Variants in GLIS3 observed in about 807,000 individuals in gnomAD.
GLIS3 encodes zinc finger protein GLIS3.
In GLIS3, 53 loss-of-function variants were observed where a neutral mutation model predicts 78.6. The ratio of observed to expected loss-of-function variants is 0.67; its 90% CI spans 0.54 to 0.85. The LOEUF (loss-of-function observed/expected upper bound fraction) is 0.85, where lower values mean the gene tolerates loss of function less well. Ranked by LOEUF, GLIS3 falls within the 40% of genes least tolerant of loss-of-function variation. The probability of loss-of-function intolerance (pLI) is 0.00; values close to 1 mark genes in which losing one functional copy is unlikely to be tolerated. For synonymous variants in GLIS3, 684 were observed against 509.9 expected (o/e 1.34, Z -4.60); for missense variants, 1,703 against 1,231.1 (o/e 1.38, Z -5.74).
chr9:4,353,036 C>T (rs1817994992), upstream of GLIS3, among the ~76,000 whole-genome samples: 1 of 152,124 alleles, frequency 6.6e-6, no homozygotes, highest in Non-Finnish European at 1.5e-5. Context: ...TCAGTCAGCT[C>T]TCTGGAAAGT....
the GLIS3 span, among the ~76,000 whole-genome samples, chr9:4,472,684 C>T: frequency 3.9e-5 from 6 of 151,940 alleles, no homozygotes; most frequent in African/African-American, 1.5e-4. Flanking sequence ...TGCAGCACAC[C>T]AACATGGCAC....
intron 4 of GLIS3, among the ~76,000 whole-genome samples, chr9:4,066,503 C>T (rs1302992601): frequency 6.6e-6 from 1 of 152,212 alleles, no homozygotes; most frequent in Non-Finnish European, 1.5e-5. Flanking sequence ...TGCAACCCCA[C>T]TTCTCTCCCT....
intron 4 of GLIS3, among the ~76,000 whole-genome samples, chr9:4,013,145 G>A (rs533735727): frequency 2.0e-5 from 3 of 152,214 alleles, no homozygotes; most frequent in South Asian, 2.1e-4. Context: ...GGTGATGCCT[G>A]TAAGGAAATT....
intron 2 of GLIS3, among the ~76,000 whole-genome samples, chr9:4,197,651 A>G (rs1013747450): frequency 9.2e-5 from 14 of 152,056 alleles, no homozygotes; most frequent in Non-Finnish European, 2.9e-5. Flanking sequence ...CTTGCCACCC[A>G]CTTCACCGGG....
In GLIS3 at chr9:4,286,510, T is replaced by A. The variant is rs774039543; in HGVS notation, c.-85A>T. ...GCAAAGTCCAATAAGTTATCCATGG[T>A]GTGGGTTATAAGCCTGTTTAAAAAA... On this transcript the variant is annotated 5_prime_UTR_variant, in exon 2 of 11. Coordinates refer to ENST00000381971, the MANE Select transcript of GLIS3 (RefSeq NM_001042413.2). The A allele has an allele frequency of 6.6e-7, 1 of 1,518,078 alleles. No homozygotes were observed. Among genetic ancestry groups the A allele is most frequent in the Admixed American group, 1.7e-5 (1 of 59,240 alleles). 94.0% of individuals were successfully genotyped at this position (1,518,078 alleles called of 1,614,324 possible).
At chr9:4,105,341 C>A (rs562761015) in intron 4 of GLIS3, among the ~76,000 whole-genome samples, 11 of 152,288 alleles carry the variant, frequency 7.2e-5, no homozygotes, top group African/African-American at 2.4e-4. Context: ...ATTTCACTCC[C>A]AGGCACAGCT....
intron 2 of GLIS3, among the ~76,000 whole-genome samples, chr9:4,151,857 G>C (rs1055311731): frequency 6.6e-6 from 1 of 152,154 alleles, no homozygotes; most frequent in Non-Finnish European, 1.5e-5. Flanking sequence ...CCTTTGGAAG[G>C]CGACAGAATG....
At chr9:4,366,405 C>G in the GLIS3 span, among the ~76,000 whole-genome samples, 1 of 152,114 alleles carries the variant, frequency 6.6e-6, no homozygotes, top group African/African-American at 2.4e-5. Context: ...CAACCTTTTC[C>G]TGGGATGGGA....
the GLIS3 span, among the ~76,000 whole-genome samples, chr9:4,401,506 C>T: frequency 2.0e-5 from 3 of 151,638 alleles, no homozygotes; most frequent in South Asian, 6.3e-4. Flanking sequence ...TCGGGTAATC[C>T]ACTTGCCTTG....
the GLIS3 span, among the ~76,000 whole-genome samples, chr9:4,367,525 C>T: frequency 6.6e-6 from 1 of 151,402 alleles, no homozygotes; most frequent in Non-Finnish European, 1.5e-5. Context: ...TGCTTATCTT[C>T]CCCTTTTAAA....
chr9:3,959,918 G>A (rs1030083319), intron 4 of GLIS3, among the ~76,000 whole-genome samples: 5 of 152,162 alleles, frequency 3.3e-5, no homozygotes, highest in African/African-American at 9.7e-5. Context: ...TTGGGAGGCC[G>A]AGGCAGGCGG....
the GLIS3 span, among the ~76,000 whole-genome samples, chr9:4,374,686 C>G: frequency 6.6e-6 from 1 of 152,364 alleles, no homozygotes; most frequent in South Asian, 2.1e-4. Flanking sequence ...AAGTTGGCAG[C>G]AAAGCCCTCT....
At chr9:3,938,205 T>C (rs541748220) in intron 4 of GLIS3, among the ~76,000 whole-genome samples, 1 of 152,222 alleles carries the variant, frequency 6.6e-6, no homozygotes, top group Non-Finnish European at 1.5e-5. Flanking sequence ...TAATCCCATT[T>C]GAGTTCTCAC....
intron 9 of GLIS3, chr9:3,855,798 ATG>A: frequency 1.7e-6 from 1 of 592,704 alleles, no homozygotes; most frequent in Non-Finnish European, 3.0e-6. Context: ...GACCAGTGCG[ATG>A]TGTCATAAAT....
At chr9:4,217,495 G>C (rs1820961325) in intron 2 of GLIS3, among the ~76,000 whole-genome samples, 2 of 152,124 alleles carry the variant, frequency 1.3e-5, no homozygotes, top group Admixed American at 6.5e-5. Flanking sequence ...ATACAGCATG[G>C]ACTACTGTCC....
the GLIS3 span, among the ~76,000 whole-genome samples, chr9:4,375,365 A>G: frequency 1.3e-5 from 2 of 152,212 alleles, no homozygotes; most frequent in African/African-American, 4.8e-5. Context: ...GAGAAAAGGG[A>G]TATATCAAAT....
intron 2 of GLIS3, among the ~76,000 whole-genome samples, chr9:4,334,071 A>G (rs747613899): frequency 3.3e-5 from 5 of 152,294 alleles, no homozygotes; most frequent in Non-Finnish European, 5.9e-5. Context: ...CATAATTCAG[A>G]GGGCTTGAAT....
chr9:3,832,948 A>G (rs1387770166), intron 9 of GLIS3, among the ~76,000 whole-genome samples: 4 of 152,138 alleles, frequency 2.6e-5, no homozygotes, highest in African/African-American at 7.2e-5. Context: ...ACCCTTTCCT[A>G]TCTTCTCTCA....
intron 2 of GLIS3, among the ~76,000 whole-genome samples, chr9:4,279,922 T>A (rs1167200569): frequency 6.6e-6 from 1 of 151,796 alleles, no homozygotes; most frequent in African/African-American, 2.4e-5. Context: ...TAAAGGACAA[T>A]TAGATAATAT....
Sources: gnomAD v4.1 joint callset for allele counts (sites outside exome capture counted in the v4.1 genomes callset) on GRCh38, gnomAD v4.1.1 for gene constraint, MANE v1.5 for transcripts, NCBI Gene and HGNC (gene_info 2026-07-23, HGNC 2026-07-21) for gene names.